GRXCR1: variants seen among roughly 807,000 people sequenced by gnomAD.
GRXCR1 encodes the protein glutaredoxin domain-containing cysteine-rich protein 1.
Under a neutral mutation model 27.3 loss-of-function variants are expected in GRXCR1, and 27 were observed. That is an observed-to-expected ratio of 0.99 (90% CI 0.73 to 1.37). The LOEUF (loss-of-function observed/expected upper bound fraction) is 1.37. Ranked by LOEUF, GRXCR1 falls within the 40% of genes most tolerant of loss-of-function variation. The pLI is 0.00. For missense variants in GRXCR1, 379 were observed against 354.4 expected, an observed-to-expected ratio of 1.07 and a Z score of -0.56; for synonymous variants, 122 against 131.1, an observed-to-expected ratio of 0.93 and a Z score of 0.47.
chr4:43,015,202 A>C (rs1484863870), intron 2 of GRXCR1, among the ~76,000 whole-genome samples: 2 of 152,180 alleles, frequency 1.3e-5, no homozygotes, highest in Non-Finnish European at 2.9e-5. Context: ...AGGGCTAAGA[A>C]TATTGGTGCA....
intron 2 of GRXCR1, among the ~76,000 whole-genome samples, chr4:43,000,226 TC>T (rs1157309828): frequency 6.6e-6 from 1 of 152,088 alleles, no homozygotes; most frequent in Non-Finnish European, 1.5e-5. Context: ...ACACCTGTAA[TC>T]CCAGCACTTT....
intron 3 of GRXCR1, among the ~76,000 whole-genome samples, chr4:43,022,800 A>G (rs1713135779): frequency 6.6e-6 from 1 of 152,216 alleles, no homozygotes; most frequent in Non-Finnish European, 1.5e-5. Flanking sequence ...ACAGTAGAGT[A>G]GGAGTTCAAT....
chr4:42,938,160 T>G (rs1394230323), intron 1 of GRXCR1, among the ~76,000 whole-genome samples: 1 of 152,000 alleles, frequency 6.6e-6, no homozygotes, highest in African/African-American at 2.4e-5. Context: ...CCCCAATAAA[T>G]GAGTTACAAT....
chr4:42,948,738 C>A (rs1747804975), intron 1 of GRXCR1, among the ~76,000 whole-genome samples: 1 of 151,978 alleles, frequency 6.6e-6, no homozygotes, highest in Non-Finnish European at 1.5e-5. Flanking sequence ...TCCTGGATTA[C>A]TGGATGGACC....
chr4:42,944,203 T>A (rs1747691896), intron 1 of GRXCR1, among the ~76,000 whole-genome samples: 1 of 152,064 alleles, frequency 6.6e-6, no homozygotes, highest in Non-Finnish European at 1.5e-5. Flanking sequence ...TGGTAGAAGA[T>A]GGACCAACCA....
chr4:42,917,682 C>T (rs572338227), intron 1 of GRXCR1, among the ~76,000 whole-genome samples: 1 of 152,048 alleles, frequency 6.6e-6, no homozygotes, highest in African/African-American at 2.4e-5. Flanking sequence ...ATAAATTTTA[C>T]TGGAAAAGAA....
At chr4:43,029,001 T>C (rs978632268) in intron 3 of GRXCR1, among the ~76,000 whole-genome samples, 1 of 152,224 alleles carries the variant, frequency 6.6e-6, no homozygotes, top group Non-Finnish European at 1.5e-5. Flanking sequence ...CAAACTATAA[T>C]TGCAAGTGAA....
intron 2 of GRXCR1, among the ~76,000 whole-genome samples, chr4:42,965,556 C>G (rs1428286855): frequency 6.6e-6 from 1 of 151,924 alleles, no homozygotes; most frequent in Non-Finnish European, 1.5e-5. Flanking sequence ...GGGTTGGACA[C>G]CTGGTGAAAT....
chr4:42,935,864 G>A (rs1450932), intron 1 of GRXCR1, among the ~76,000 whole-genome samples: 66,511 of 151,700 alleles, frequency 0.44, 14,734 homozygotes, highest in African/African-American at 0.49. Flanking sequence ...ATGACCATAC[G>A]AAGTGAGATA....
chr4:42,917,080 A>G (rs970955489), intron 1 of GRXCR1, among the ~76,000 whole-genome samples: 2 of 152,176 alleles, frequency 1.3e-5, no homozygotes, highest in Admixed American at 1.3e-4. Flanking sequence ...CCTTAAAAAG[A>G]AGACTGATAT....
At chr4:42,974,481 A>G (rs1748460831) in intron 2 of GRXCR1, among the ~76,000 whole-genome samples, 1 of 152,178 alleles carries the variant, frequency 6.6e-6, no homozygotes, top group Admixed American at 6.6e-5. Context: ...CCAAACAGCT[A>G]TGATGAGCAA....
intron 3 of GRXCR1, among the ~76,000 whole-genome samples, chr4:43,023,570 T>A (rs1713161670): frequency 6.6e-6 from 1 of 152,166 alleles, no homozygotes; most frequent in Admixed American, 6.5e-5. Flanking sequence ...TCTATGGAGA[T>A]CTGGTCTCAG....
At chr4:42,987,354 C>T (rs1396542153) in intron 2 of GRXCR1, among the ~76,000 whole-genome samples, 1 of 148,476 alleles carries the variant, frequency 6.7e-6, no homozygotes, top group East Asian at 2.0e-4. Context: ...GTGATCATAG[C>T]TTAGGGTGAC....
chr4:43,008,664 T>G (rs1039526762), intron 2 of GRXCR1, among the ~76,000 whole-genome samples: 5 of 152,182 alleles, frequency 3.3e-5, no homozygotes, highest in African/African-American at 1.2e-4. Context: ...ATAGTATCCC[T>G]AAGAGGTAGA....
chr4:43,007,712 T>C (rs1300687575), intron 2 of GRXCR1, among the ~76,000 whole-genome samples: 1 of 152,238 alleles, frequency 6.6e-6, no homozygotes, highest in African/African-American at 2.4e-5. Context: ...TCAAGGTCAA[T>C]GGCTAGAATA....
At chr4:42,939,924 T>C (rs538253580) in intron 1 of GRXCR1, among the ~76,000 whole-genome samples, 20 of 152,162 alleles carry the variant, frequency 1.3e-4, no homozygotes, top group African/African-American at 4.8e-4. Flanking sequence ...GTTATCTATT[T>C]TTTCCCCTTA....
At chr4:42,901,135 T>A (rs1746451490) in intron 1 of GRXCR1, among the ~76,000 whole-genome samples, 1 of 152,188 alleles carries the variant, frequency 6.6e-6, no homozygotes, top group African/African-American at 2.4e-5. Context: ...GTCATTGGCA[T>A]CCACATTAAT....
chr4:42,938,738 A>G (rs1050767882), intron 1 of GRXCR1, among the ~76,000 whole-genome samples: 1 of 152,028 alleles, frequency 6.6e-6, no homozygotes, highest in African/African-American at 2.4e-5. Context: ...CAGTTTTCCC[A>G]GCACCATTAA....
chr4:42,980,697 G>C (rs909657795), intron 2 of GRXCR1, among the ~76,000 whole-genome samples: 3 of 151,930 alleles, frequency 2.0e-5, no homozygotes, highest in Non-Finnish European at 4.4e-5. Flanking sequence ...TTGATTTTCT[G>C]TCTGGATAAT....
Sources: gnomAD v4.1 joint callset for allele counts (sites outside exome capture counted in the v4.1 genomes callset) on GRCh38, gnomAD v4.1.1 for gene constraint, MANE v1.5 for transcripts, NCBI Gene and HGNC (gene_info 2026-07-23, HGNC 2026-07-21) for gene names.